The following KLHL32 variants were observed in gnomAD, a reference collection of about 807,000 sequenced individuals.
KLHL32 encodes kelch like family member 32.
Under a neutral mutation model 64.8 loss-of-function variants are expected in KLHL32, and 35 were observed. That is an observed-to-expected ratio of 0.54 (90% CI 0.41 to 0.72). The LOEUF (loss-of-function observed/expected upper bound fraction) is 0.72. Among genes scored for constraint, KLHL32 ranks in the 30% least tolerant of loss-of-function variants. The pLI is 0.00. For missense variants in KLHL32, 589 were observed against 768.5 expected (o/e 0.77, Z 2.76); for synonymous variants, 259 against 281.0 (o/e 0.92, Z 0.78).
intron 6 of KLHL32, among the ~76,000 whole-genome samples, chr6:97,094,825 C>G (rs1472626909): frequency 6.6e-6 from 1 of 152,150 alleles, no homozygotes; most frequent in Admixed American, 6.5e-5. Context: ...CCCCCACACA[C>G]CAGAGGCTGA....
At chr6:96,951,586 T>A (rs73492895) in intron 1 of KLHL32, among the ~76,000 whole-genome samples, 5 of 152,128 alleles carry the variant, frequency 3.3e-5, no homozygotes, top group African/African-American at 1.2e-4. Flanking sequence ...ACCATCATCA[T>A]CAAGACAATA....
At chr6:96,910,019 C>T in the KLHL32 span, among the ~76,000 whole-genome samples, 4 of 152,196 alleles carry the variant, frequency 2.6e-5, no homozygotes, top group Non-Finnish European at 5.9e-5. Context: ...ACAAGGTTCA[C>T]ACAGCCAGTT....
intron 1 of KLHL32, among the ~76,000 whole-genome samples, chr6:96,933,122 A>G (rs1352834361): frequency 6.6e-6 from 1 of 152,172 alleles, no homozygotes; most frequent in Admixed American, 6.5e-5. Flanking sequence ...AGGATGAATT[A>G]GTTACATGGT....
chr6:96,993,645 C>A (rs905950351), intron 3 of KLHL32, among the ~76,000 whole-genome samples: 11 of 152,308 alleles, frequency 7.2e-5, no homozygotes, highest in African/African-American at 2.2e-4. Flanking sequence ...TATCAAAATT[C>A]TGAGATTTTT....
chr6:97,013,210 A>G (rs1273078814), intron 3 of KLHL32, among the ~76,000 whole-genome samples: 3 of 152,228 alleles, frequency 2.0e-5, no homozygotes, highest in African/African-American at 7.2e-5. Flanking sequence ...TGCACATCAT[A>G]GAAGATGCAG....
At chr6:97,074,603 T>TAA (rs113451263) in intron 5 of KLHL32, among the ~76,000 whole-genome samples, 57 of 144,982 alleles carry the variant, frequency 3.9e-4, no homozygotes, top group South Asian at 6.5e-4. Context: ...GTGAGGGATT[T>TAA]AAAAAAAAAA....
chr6:97,083,855 G>A lies in KLHL32; in HGVS notation c.412-1271G>A, dbSNP rs983359050. On this transcript the variant is annotated intron_variant, in intron 5 of 10. Coordinates refer to ENST00000369261, the MANE Select transcript of KLHL32 (RefSeq NM_052904.4). ...ATTGCTTCCCACCTTCCCCCATCAC[G>A]TTAATGGAAAATTTAAAAGCAGCAT... Among the ~76,000 whole-genome samples the A allele has an allele frequency of 3.9e-5, 6 of 152,086 alleles. No individual in the cohort carries two copies. The South Asian group carries it at 6.2e-4, about 16-fold the overall frequency.
At chr6:97,131,594 C>A (rs1212786084) in intron 9 of KLHL32, among the ~76,000 whole-genome samples, 1 of 152,128 alleles carries the variant, frequency 6.6e-6, no homozygotes, top group Admixed American at 6.6e-5. Flanking sequence ...AACTTTTCCC[C>A]CTTGTCAGCT....
chr6:96,938,653 G>A (rs1436540523), intron 1 of KLHL32, among the ~76,000 whole-genome samples: 1 of 151,478 alleles, frequency 6.6e-6, no homozygotes, highest in Admixed American at 6.6e-5. Context: ...GCAGCAGCAG[G>A]GGATACATAG....
intron 4 of KLHL32, among the ~76,000 whole-genome samples, chr6:97,054,091 TA>T (rs1787405049): frequency 6.6e-6 from 1 of 152,132 alleles, no homozygotes; most frequent in African/African-American, 2.4e-5. Context: ...TTAAGTTTTT[TA>T]AAAAGAAAGC....
At chr6:97,092,132 G>A (rs1294122614) in intron 6 of KLHL32, among the ~76,000 whole-genome samples, 1 of 152,102 alleles carries the variant, frequency 6.6e-6, no homozygotes, top group Non-Finnish European at 1.5e-5. Flanking sequence ...TGGGATTACA[G>A]GCATGTGCCA....
chr6:97,093,341 A>G (rs1433841124), intron 6 of KLHL32, among the ~76,000 whole-genome samples: 2 of 152,226 alleles, frequency 1.3e-5, no homozygotes, highest in African/African-American at 4.8e-5. Context: ...TGAGTCTCTC[A>G]TCACCCTTGT....
intron 3 of KLHL32, among the ~76,000 whole-genome samples, chr6:97,009,409 C>T (rs887492181): frequency 6.6e-6 from 1 of 152,054 alleles, no homozygotes; most frequent in Admixed American, 6.5e-5. Flanking sequence ...CACATTGGCT[C>T]TCTGGGCACC....
At chr6:97,101,538 C>T (rs1020137304) in intron 6 of KLHL32, among the ~76,000 whole-genome samples, 1 of 152,166 alleles carries the variant, frequency 6.6e-6, no homozygotes, top group Admixed American at 6.5e-5. Context: ...GAGATCCAAG[C>T]CAAGTGATGA....
intron 1 of KLHL32, among the ~76,000 whole-genome samples, chr6:96,947,747 A>G (rs1251761893): frequency 6.6e-6 from 1 of 152,198 alleles, no homozygotes; most frequent in East Asian, 1.9e-4. Context: ...ACTCTTATAA[A>G]CATGCTGTGA....
intron 3 of KLHL32, among the ~76,000 whole-genome samples, chr6:96,990,941 G>A (rs1004997319): frequency 6.6e-5 from 10 of 152,068 alleles, no homozygotes; most frequent in Non-Finnish European, 1.5e-4. Context: ...GTGGCAGAGG[G>A]GCTTTCGGTT....
At chr6:97,034,833 G>C (rs1046289902) in intron 3 of KLHL32, among the ~76,000 whole-genome samples, 2 of 151,738 alleles carry the variant, frequency 1.3e-5, no homozygotes, top group Non-Finnish European at 2.9e-5. Context: ...ACAGATTTTT[G>C]TATGTTAATT....
At chr6:97,027,380 G>T (rs1183033419) in intron 3 of KLHL32, among the ~76,000 whole-genome samples, 1 of 152,116 alleles carries the variant, frequency 6.6e-6, no homozygotes, top group African/African-American at 2.4e-5. Context: ...ATATCAGATT[G>T]GGCAGGTAAG....
intron 10 of KLHL32, among the ~76,000 whole-genome samples, chr6:97,137,765 G>A (rs1268558547): frequency 1.3e-5 from 2 of 151,946 alleles, no homozygotes; most frequent in Admixed American, 1.3e-4. Context: ...CGATCTCCTG[G>A]GCTCGTGATC....
Sources: gnomAD v4.1 joint callset for allele counts (sites outside exome capture counted in the v4.1 genomes callset) on GRCh38, gnomAD v4.1.1 for gene constraint, MANE v1.5 for transcripts, NCBI Gene and HGNC (gene_info 2026-07-23, HGNC 2026-07-21) for gene names.